GPHN: variants seen among roughly 807,000 people sequenced by gnomAD.
The protein encoded by GPHN is gephyrin.
In GPHN, 17 loss-of-function variants were observed where a neutral mutation model predicts 95.5. The ratio of observed to expected loss-of-function variants is 0.18; its 90% CI spans 0.12 to 0.27. The LOEUF is 0.27. Among genes scored for constraint, GPHN ranks in the 10% least tolerant of loss-of-function variants. The pLI is 1.00. For synonymous variants in GPHN, 320 were observed against 322.5 expected, an observed-to-expected ratio of 0.99 and a Z score of 0.08; for missense variants, 660 against 978.1, an observed-to-expected ratio of 0.67 and a Z score of 4.34.
At chr14:67,230,598 T>C in the GPHN span, among the ~76,000 whole-genome samples, 1 of 152,018 alleles carries the variant, frequency 6.6e-6, no homozygotes, top group East Asian at 1.9e-4. Flanking sequence ...TATGATCAAA[T>C]TTCAAAAAAA....
the GPHN span, chr14:67,569,276 G>T: frequency 1.6e-6 from 2 of 1,259,648 alleles, no homozygotes; most frequent in South Asian, 1.2e-5. Flanking sequence ...GTGGGCAAGC[G>T]GGGAGGAGAA....
At chr14:66,523,993 T>C (rs1187736317) in intron 1 of GPHN, among the ~76,000 whole-genome samples, 1 of 152,096 alleles carries the variant, frequency 6.6e-6, no homozygotes, top group Non-Finnish European at 1.5e-5. Context: ...ATGCTATTTG[T>C]AGTGTAGTAA....
the GPHN span, among the ~76,000 whole-genome samples, chr14:67,718,134 T>C: frequency 5.9e-5 from 9 of 152,150 alleles, no homozygotes; most frequent in African/African-American, 1.9e-4. Flanking sequence ...GGTCAGGGCA[T>C]GGGAAGAGGC....
the GPHN span, among the ~76,000 whole-genome samples, chr14:67,504,409 TTA>T: frequency 1.3e-5 from 2 of 152,204 alleles, no homozygotes; most frequent in South Asian, 4.1e-4. Flanking sequence ...CAACCTGGCA[TTA>T]TAAGCTACCA....
the GPHN span, among the ~76,000 whole-genome samples, chr14:67,643,547 G>A: frequency 6.6e-6 from 1 of 152,212 alleles, no homozygotes; most frequent in African/African-American, 2.4e-5. Flanking sequence ...ATCCAAGGTG[G>A]GCACAGTGGT....
At chr14:66,756,732 T>C (rs963504838) in intron 2 of GPHN, among the ~76,000 whole-genome samples, 3 of 152,226 alleles carry the variant, frequency 2.0e-5, no homozygotes, top group African/African-American at 7.2e-5. Context: ...AAGATACATA[T>C]AATTGTCATA....
At chr14:67,644,218 G>C in the GPHN span, among the ~76,000 whole-genome samples, 1 of 152,158 alleles carries the variant, frequency 6.6e-6, no homozygotes, top group East Asian at 1.9e-4. Context: ...ACATTTTCAA[G>C]AAGAGCCATT....
At chr14:67,610,774 C>T in the GPHN span, among the ~76,000 whole-genome samples, 37 of 152,258 alleles carry the variant, frequency 2.4e-4, no homozygotes, top group East Asian at 6.8e-3. Context: ...CGTTTCAGTT[C>T]CCCAGCTCCC....
chr14:66,514,389 A>G (rs1370075617), intron 1 of GPHN, among the ~76,000 whole-genome samples: 1 of 152,060 alleles, frequency 6.6e-6, no homozygotes, highest in Non-Finnish European at 1.5e-5. Flanking sequence ...CTATGTTCTC[A>G]TACTATTCTG....
At chr14:66,760,923 C>G in intron 2 of GPHN, 1 of 946,412 alleles carries the variant, frequency 1.1e-6, no homozygotes, top group Non-Finnish European at 1.6e-6. Context: ...AAACATCCAT[C>G]TTATCCGAGC....
chr14:67,111,761 G>C, intron 14 of GPHN, 100 bp from the exon 15 acceptor site: 1 of 860,182 alleles, frequency 1.2e-6, no homozygotes, highest in African/African-American at 1.6e-5. Context: ...GTCTATATTT[G>C]TATATATCCT....
At chr14:67,715,562 T>C in the GPHN span, among the ~76,000 whole-genome samples, 4 of 152,208 alleles carry the variant, frequency 2.6e-5, no homozygotes, top group East Asian at 5.8e-4. Context: ...CCCTCTTTTA[T>C]TTAAAAAAAT....
intron 19 of GPHN, among the ~76,000 whole-genome samples, chr14:67,161,528 G>A (rs781058445): frequency 4.6e-5 from 7 of 152,082 alleles, no homozygotes; most frequent in Admixed American, 1.3e-4. Flanking sequence ...TTGGGAGGCC[G>A]TGGGGGTGGT....
the GPHN span, among the ~76,000 whole-genome samples, chr14:67,314,543 A>G: frequency 6.6e-6 from 1 of 152,176 alleles, no homozygotes; most frequent in African/African-American, 2.4e-5. Context: ...GTTACAGGAC[A>G]TTTCTCTAGA....
the GPHN span, among the ~76,000 whole-genome samples, chr14:67,457,920 G>C: frequency 2.0e-5 from 3 of 152,240 alleles, no homozygotes; most frequent in African/African-American, 7.2e-5. Context: ...TGAGGCCCCA[G>C]CTGGCGGGGG....
chr14:67,352,179 C>T, the GPHN span, among the ~76,000 whole-genome samples: 2 of 151,846 alleles, frequency 1.3e-5, no homozygotes, highest in Non-Finnish European at 2.9e-5. Flanking sequence ...TTGTTAAGTA[C>T]GTACAGGTTT....
At chr14:67,052,440 G>A (rs1033540566) in intron 10 of GPHN, among the ~76,000 whole-genome samples, 1 of 151,788 alleles carries the variant, frequency 6.6e-6, no homozygotes, top group African/African-American at 2.4e-5. Flanking sequence ...GGAGGACCTA[G>A]ATTCATAAAA....
chr14:67,115,949 A>G (rs2078665174), intron 16 of GPHN, among the ~76,000 whole-genome samples: 1 of 152,224 alleles, frequency 6.6e-6, no homozygotes, highest in African/African-American at 2.4e-5. Context: ...GTTATCAACT[A>G]TAGCTAACAT....
At chr14:67,651,308 C>A in the GPHN span, 4 of 1,608,276 alleles carry the variant, frequency 2.5e-6, no homozygotes, top group Non-Finnish European at 3.4e-6. Context: ...CAGCAATATG[C>A]TTATTCTATC....
Sources: gnomAD v4.1 joint callset for allele counts (sites outside exome capture counted in the v4.1 genomes callset) on GRCh38, gnomAD v4.1.1 for gene constraint, MANE v1.5 for transcripts, NCBI Gene and HGNC (gene_info 2026-07-23, HGNC 2026-07-21) for gene names.